Variants in CNNM2 observed in about 807,000 individuals in gnomAD.
The protein encoded by CNNM2 is metal transporter CNNM2.
A neutral mutation model predicts 66.9 loss-of-function variants in CNNM2; 12 were observed. That is an observed-to-expected ratio of 0.18 (90% CI 0.11 to 0.29). The LOEUF (loss-of-function observed/expected upper bound fraction) is 0.29. Among genes scored for constraint, CNNM2 ranks in the 10% least tolerant of loss-of-function variants. CNNM2 has a pLI of 1.00. For missense variants in CNNM2, 705 were observed against 1,167.7 expected (o/e 0.60, Z 5.77); for synonymous variants, 557 against 501.8 (o/e 1.11, Z -1.47).
chr10:102,974,574 A>G (rs892386385), intron 1 of CNNM2, among the ~76,000 whole-genome samples: 1 of 151,852 alleles, frequency 6.6e-6, no homozygotes, highest in Non-Finnish European at 1.5e-5. Flanking sequence ...TGATAATCCT[A>G]TTTATTTTTT....
At chr10:102,950,396 T>C (rs1449452957) in intron 1 of CNNM2, among the ~76,000 whole-genome samples, 3 of 152,204 alleles carry the variant, frequency 2.0e-5, no homozygotes, top group African/African-American at 4.8e-5. Flanking sequence ...ATTTTTCAAC[T>C]GTGCATGTAT....
At chr10:103,058,752 C>T (rs893364318) in intron 4 of CNNM2, among the ~76,000 whole-genome samples, 1 of 152,200 alleles carries the variant, frequency 6.6e-6, no homozygotes, top group East Asian at 1.9e-4. Flanking sequence ...ACAGGACTTA[C>T]GGAGATGTTT....
intron 1 of CNNM2, among the ~76,000 whole-genome samples, chr10:103,036,056 T>C (rs1392452357): frequency 6.6e-6 from 1 of 152,164 alleles, no homozygotes; most frequent in African/African-American, 2.4e-5. Context: ...CTTTCTGCTT[T>C]CTGTTAATCC....
At chr10:103,005,191 G>A (rs756130917) in intron 1 of CNNM2, among the ~76,000 whole-genome samples, 5 of 151,998 alleles carry the variant, frequency 3.3e-5, no homozygotes, top group Non-Finnish European at 7.4e-5. Context: ...TAGGATTACA[G>A]ACCTGAGCCA....
rs1279496211 is a variant in CNNM2 at position 103,054,025 on chromosome 10, G to C, written c.1766-304G>C. On this transcript the variant is annotated intron_variant, in intron 2 of 7. Transcript: ENST00000369878. This position sits in a 1 kb window ranked among gnomAD's most constrained non-coding sequence, Gnocchi z 5.2. Reference sequence around the variant, plus strand: ...TGTGCTTCTGTGGGTCTTGTGAGAGGCTCTGTCAGCATTTGCCTGATGCTG... The same window carrying C: ...TGTGCTTCTGTGGGTCTTGTGAGAGCCTCTGTCAGCATTTGCCTGATGCTG... Among the ~76,000 whole-genome samples the C allele has an allele frequency of 6.6e-6, 1 of 152,098 alleles. No homozygotes were observed. Among genetic ancestry groups the C allele is most frequent in the Non-Finnish European group, 1.5e-5 (1 of 68,030 alleles).
At chr10:102,973,091 A>T (rs938449777) in intron 1 of CNNM2, among the ~76,000 whole-genome samples, 13 of 151,912 alleles carry the variant, frequency 8.6e-5, no homozygotes, top group African/African-American at 3.1e-4. Context: ...GAGAAGTTGG[A>T]TAATTTTTTA....
chr10:103,007,115 T>A (rs2134264535), intron 1 of CNNM2, among the ~76,000 whole-genome samples: 1 of 152,242 alleles, frequency 6.6e-6, no homozygotes, highest in South Asian at 2.1e-4. Context: ...ACATCACATA[T>A]CGGTAGGACC....
chr10:103,089,860 T>C lies in CNNM2; in HGVS notation c.*12680T>C. 6.2e-7 allele frequency: 1 copy of C among 1,613,930 alleles called. No individual in the cohort carries two copies. Among genetic ancestry groups the C allele is most frequent in the Non-Finnish European group, 8.5e-7 (1 of 1,179,916 alleles). ...TTCCGGGTGGCAAGAGGAGACTCCA[T>C]CTCATTGATATCTACGTGTGTGTGC... is the stretch of plus-strand genomic sequence containing the variant. On this transcript the variant is annotated 3_prime_UTR_variant, in exon 8 of 8. Coordinates refer to ENST00000369878, the MANE Select transcript of CNNM2 (RefSeq NM_017649.5).
intron 1 of CNNM2, among the ~76,000 whole-genome samples, chr10:102,990,638 C>A (rs781284285): frequency 3.9e-5 from 6 of 152,086 alleles, no homozygotes; most frequent in Non-Finnish European, 7.4e-5. Context: ...AAGGGGTGGG[C>A]GTAGAATGAG....
intron 1 of CNNM2, among the ~76,000 whole-genome samples, chr10:103,021,189 A>C (rs1216629943): frequency 6.6e-6 from 1 of 152,128 alleles, no homozygotes; most frequent in African/African-American, 2.4e-5. Flanking sequence ...GTCCCAGCTG[A>C]CCGACTGGAG....
At chr10:102,935,769 C>A (rs537586371) in intron 1 of CNNM2, among the ~76,000 whole-genome samples, 2 of 143,158 alleles carry the variant, frequency 1.4e-5, no homozygotes, top group East Asian at 4.0e-4. Context: ...CTCCACTGCA[C>A]CTGGCTTTTT....
At chr10:102,970,193 A>T (rs182869880) in intron 1 of CNNM2, among the ~76,000 whole-genome samples, 232 of 152,276 alleles carry the variant, frequency 1.5e-3, no homozygotes, top group African/African-American at 5.1e-3. Context: ...GTGCATACTT[A>T]TGGTCCCAGC....
Position 103,084,805 on chromosome 10 carries a change from TGTA to T in CNNM2, c.*7627_*7629del, listed in dbSNP as rs2065788161. Reference sequence around the variant, plus strand: ...GAAACAAATATTGATCAGAGGGTCTTGTAGAGAAAGTGGTTAAAAACTGACCTT... The same window carrying T: ...GAAACAAATATTGATCAGAGGGTCTTGAGAAAGTGGTTAAAAACTGACCTT... On this transcript the variant is annotated 3_prime_UTR_variant, in exon 8 of 8. Coordinates refer to ENST00000369878, the MANE Select transcript of CNNM2 (RefSeq NM_017649.5). 1 of 152,198 alleles carries T rather than the reference TGTA, an allele frequency of 6.6e-6. No homozygotes were observed. The highest frequency in any genetic ancestry group is 6.5e-5 in the Admixed American group (1 of 15,276). 9.4% of individuals were successfully genotyped at this position (152,198 alleles called of 1,614,324 possible).
chr10:103,087,863 A>G lies in CNNM2; in HGVS notation c.*10683A>G, dbSNP rs1046916535. 3 of 152,268 alleles carry G rather than the reference A, an allele frequency of 2.0e-5. No individual in the cohort carries two copies. The highest frequency in any genetic ancestry group is 4.4e-5 in the Non-Finnish European group (3 of 68,046). 9.4% of individuals were successfully genotyped at this position (152,268 alleles called of 1,614,324 possible). On this transcript the variant is annotated 3_prime_UTR_variant, in exon 8 of 8. Coordinates refer to ENST00000369878, the MANE Select transcript of CNNM2 (RefSeq NM_017649.5). Reference sequence around the variant, plus strand: ...CTTGGATGACTTAATCTGAAGCCATATAAGTCCAAAGTAGTGAGACAGACA... The same window carrying G: ...CTTGGATGACTTAATCTGAAGCCATGTAAGTCCAAAGTAGTGAGACAGACA...
chr10:102,943,042 T>C (rs1846483385), intron 1 of CNNM2, among the ~76,000 whole-genome samples: 1 of 151,994 alleles, frequency 6.6e-6, no homozygotes, highest in Admixed American at 6.6e-5. Context: ...CTGGCCAACA[T>C]AGTGAAACCC....
chr10:102,994,998 A>G lies in CNNM2; in HGVS notation c.1622-54709A>G, dbSNP rs918501758. ...TCGACCAAATGTTCCTTTCTTCTTC[A>G]TGTTGGTTTTTAAAACCCTATCCCC... On this transcript the variant is annotated intron_variant, in intron 1 of 7. Transcript: ENST00000369878. 3.9e-5 allele frequency among the ~76,000 whole-genome samples: 6 copies of G among 152,066 alleles called. No homozygotes were observed. The South Asian group carries it at 1.2e-3, about 32-fold the overall frequency.
chr10:103,028,083 A>C (rs989558289), intron 1 of CNNM2, among the ~76,000 whole-genome samples: 4 of 152,202 alleles, frequency 2.6e-5, no homozygotes, highest in African/African-American at 9.6e-5. Context: ...ATGAGGGGTC[A>C]GTGACCGAGA....
intron 1 of CNNM2, among the ~76,000 whole-genome samples, chr10:102,972,364 C>T (rs1343447931): frequency 1.3e-5 from 2 of 152,084 alleles, no homozygotes; most frequent in African/African-American, 2.4e-5. Context: ...TGGCCAGGCA[C>T]GGTGGCTCAT....
chr10:103,016,633 C>T (rs952086678), intron 1 of CNNM2, among the ~76,000 whole-genome samples: 2 of 152,262 alleles, frequency 1.3e-5, no homozygotes, highest in Admixed American at 6.5e-5. Flanking sequence ...ATTACAGTGT[C>T]GTCTAAACTT....
Sources: gnomAD v4.1 joint callset for allele counts (sites outside exome capture counted in the v4.1 genomes callset) on GRCh38, gnomAD v4.1.1 for gene constraint, Gnocchi (gnomAD v3.1) non-coding constraint, MANE v1.5 for transcripts, NCBI Gene and HGNC (gene_info 2026-07-23, HGNC 2026-07-21) for gene names.